C2: variants seen among roughly 807,000 people sequenced by gnomAD.
The protein encoded by C2 is complement C2, also known as C3/C5 convertase.
C2 carries 64 observed loss-of-function variants against 85.2 expected under a neutral mutation model. That is an observed-to-expected ratio of 0.75 (90% CI 0.61 to 0.92). The LOEUF (loss-of-function observed/expected upper bound fraction) is 0.92, where lower values mean the gene tolerates loss of function less well. Ranked by LOEUF, C2 falls within the 40% of genes least tolerant of loss-of-function variation. The pLI is 0.00. For synonymous variants in C2, 311 were observed against 370.8 expected, an observed-to-expected ratio of 0.84 and a Z score of 1.85; for missense variants, 820 against 971.6, an observed-to-expected ratio of 0.84 and a Z score of 2.07.
Position 31,943,464 on chromosome 6 carries a change from G to A in C2, c.1504G>A (p.Val502Ile), listed in dbSNP as rs1161111637. The change falls in exon 12 of 18, where the codon GTC (valine) becomes ATC (isoleucine). Residue 502 changes from valine to isoleucine, a missense_variant. Coordinates refer to ENST00000299367, the MANE Select transcript of C2 (RefSeq NM_000063.6). The surrounding 1 kb of genome is among the most constrained non-coding windows in gnomAD (Gnocchi z 6.4). ...GGGGGCCCTCATCTCCGACCAATGGGTCCTGACAGCAGCTCATTGCTTCCG... is the reference window on the plus strand; with the variant it reads ...GGGGGCCCTCATCTCCGACCAATGGATCCTGACAGCAGCTCATTGCTTCCG... ...CRGALISDQW[V>I]LTAAHCFRDG... 1 of 1,613,068 alleles carries A rather than the reference G, an allele frequency of 6.2e-7. No individual in the cohort carries two copies. Among genetic ancestry groups the A allele is most frequent in the Non-Finnish European group, 8.5e-7 (1 of 1,180,032 alleles).
intron 1 of C2, among the ~76,000 whole-genome samples, chr6:31,901,482 C>T (rs1185745318): frequency 4.6e-5 from 7 of 152,026 alleles, no homozygotes; most frequent in African/African-American, 1.4e-4. Context: ...GAGGTGCTGT[C>T]CCTCTGAGAG....
Position 31,943,518 on chromosome 6 carries a change from G to A in C2, c.1558G>A (p.Val520Ile). The A allele has an allele frequency of 6.2e-7, 1 of 1,612,788 alleles. No homozygotes were observed. Among genetic ancestry groups the A allele is most frequent in the Non-Finnish European group, 8.5e-7 (1 of 1,179,794 alleles). The change falls in exon 12 of 18, where the codon GTC (valine) becomes ATC (isoleucine). Residue 520 changes from valine (V) to isoleucine (I), a missense_variant. By Grantham distance (29) the Val-to-Ile change is conservative. Transcript: ENST00000299367. This position sits in a 1 kb window ranked among gnomAD's most constrained non-coding sequence, Gnocchi z 6.4. Reference protein sequence around the residue: ...RDGNDHSLWRVNVGDPKSQWG... With the variant: ...RDGNDHSLWRINVGDPKSQWG... Reference sequence around the variant, plus strand: ...TGGCAACGACCACTCCCTGTGGAGGGTCAATGTGGGTAAGGCAGGGGATGC... The same window carrying A: ...TGGCAACGACCACTCCCTGTGGAGGATCAATGTGGGTAAGGCAGGGGATGC...
chr6:31,912,676 C>A (rs1768195288), intron 1 of C2, among the ~76,000 whole-genome samples: 2 of 151,894 alleles, frequency 1.3e-5, no homozygotes, highest in Non-Finnish European at 2.9e-5. Flanking sequence ...CCTGTCTCTA[C>A]TGAAAATACA....
At chr6:31,942,931 G>A (rs374798709) in intron 9 of C2, 28 bp from the exon 10 acceptor site, 5 of 1,612,746 alleles carry the variant, frequency 3.1e-6, no homozygotes, top group African/African-American at 1.3e-5. Flanking sequence ...AGCCACAGGA[G>A]TCTGGTGATT....
In C2 at chr6:31,943,339, G is replaced by C. The variant is rs1427106809; in HGVS notation, c.1455+20G>C. ...ATTAAGGTACCAGGAAGGAGGGGCA[G>C]GGCTTGGATTCCAGAGGTAAAAGCG... On this transcript the variant is annotated intron_variant, in intron 11 of 17. Transcript: ENST00000299367. The surrounding 1 kb of genome is among the most constrained non-coding windows in gnomAD (Gnocchi z 6.4). 4.3e-6 allele frequency: 7 copies of C among 1,609,948 alleles called. No individual in the cohort carries two copies. The highest frequency in any genetic ancestry group is 4.2e-6 in the Non-Finnish European group (5 of 1,177,142).
upstream of C2, among the ~76,000 whole-genome samples, chr6:31,923,006 G>C (rs979304369): frequency 6.6e-6 from 1 of 152,200 alleles, no homozygotes; most frequent in Non-Finnish European, 1.5e-5. Context: ...GGAAGAAGCT[G>C]GCAGGAGAGG....
Position 31,945,367 on chromosome 6 carries a change from C to A in C2, c.*10C>A, listed in dbSNP as rs374559513. ...TTTTTTACCCCTCTAGCCATGGCCA[C>A]TGAGCCCTCTGCTGCCCTGCCAGAA... On this transcript the variant is annotated 3_prime_UTR_variant, in exon 18 of 18. Transcript: ENST00000299367. This position sits in a 1 kb window ranked among gnomAD's most constrained non-coding sequence, Gnocchi z 5.3. 1 of 1,612,268 alleles carries A rather than the reference C, an allele frequency of 6.2e-7. No individual in the cohort carries two copies. The highest frequency in any genetic ancestry group is 1.1e-5 in the South Asian group (1 of 91,058).
At chr6:31,928,235 G>T in intron 2 of C2, 71 bp downstream of exon 2, 1 of 1,428,618 alleles carries the variant, frequency 7.0e-7, no homozygotes. Flanking sequence ...TTTAGGAGTT[G>T]CTCAGGGTGG....
chr6:31,901,266 C>A (rs761508949), intron 1 of C2: 3 of 1,612,472 alleles, frequency 1.9e-6, no homozygotes, highest in Non-Finnish European at 2.5e-6. Flanking sequence ...GCCTCGTGGC[C>A]GGGCAGCTGG....
upstream of C2, chr6:31,900,935 C>T (rs1301039087): frequency 1.2e-6 from 2 of 1,614,194 alleles, no homozygotes; most frequent in Admixed American, 1.7e-5. This position sits in a 1 kb window ranked among gnomAD's most constrained non-coding sequence, Gnocchi z 9.7. Flanking sequence ...AATGAACTGG[C>T]TGAGGGCATT....
chr6:31,913,532 T>C (rs532086), intron 1 of C2, among the ~76,000 whole-genome samples: 17,813 of 152,208 alleles, frequency 0.12, 1,189 homozygotes, highest in East Asian at 0.19. Flanking sequence ...GCTGAGACCG[T>C]GCCATTGCAC....
intron 1 of C2, among the ~76,000 whole-genome samples, chr6:31,913,772 G>A (rs1007430979): frequency 3.3e-5 from 5 of 151,524 alleles, no homozygotes; most frequent in East Asian, 1.9e-4. Flanking sequence ...TCAGGCTCCC[G>A]TGTAGCTGGG....
exon 1 of C2, chr6:31,901,030 G>C: frequency 6.2e-7 from 1 of 1,614,232 alleles, no homozygotes; most frequent in African/African-American, 1.3e-5. Flanking sequence ...CGAATTCCAA[G>C]GCGCCCGTGT....
Position 31,944,764 on chromosome 6 carries a change from C to A in C2, c.1940C>A (p.Thr647Asn). 4 of 1,613,116 alleles carry A rather than the reference C, an allele frequency of 2.5e-6. No homozygotes were observed. The highest frequency in any genetic ancestry group is 1.1e-5 in the South Asian group (1 of 91,088). The stretch of plus-strand genomic sequence containing the variant: ...GCCGAGGTTGTCTCCCAAGAAAAAA[C>A]CATGTTCCCCAACTTGACAGATGTC... ...SCAEVVSQEK[T>N]MFPNLTDVRE... The change falls in exon 16 of 18, where the codon ACC (threonine) becomes AAC (asparagine). Residue 647 changes from threonine (T) to asparagine (N), a missense_variant. Physicochemically the swap from Thr to Asn is moderately conservative, Grantham distance 65. Transcript: ENST00000299367. This position sits in a 1 kb window ranked among gnomAD's most constrained non-coding sequence, Gnocchi z 5.1.
chr6:31,924,276 T>C (rs1321725344), upstream of C2, among the ~76,000 whole-genome samples: 1 of 152,228 alleles, frequency 6.6e-6, no homozygotes, highest in African/African-American at 2.4e-5. Context: ...TGGTTTGGCT[T>C]TGTTATAACC....
upstream of C2, among the ~76,000 whole-genome samples, chr6:31,915,464 C>T (rs1426477939): frequency 6.6e-6 from 1 of 152,206 alleles, no homozygotes; most frequent in Non-Finnish European, 1.5e-5. Context: ...TAATATTCCC[C>T]TGTTTGTGTC....
chr6:31,911,191 C>T (rs1488402215), intron 1 of C2, among the ~76,000 whole-genome samples: 5 of 151,242 alleles, frequency 3.3e-5, no homozygotes, highest in African/African-American at 4.9e-5. Flanking sequence ...CCCAGCTACT[C>T]GAGAGGTGGA....
rs1239021560 is a variant in C2 at position 31,935,560 on chromosome 6, C to G, written c.850-363C>G. On this transcript the variant is annotated intron_variant, in intron 6 of 17. Transcript: ENST00000299367. This position sits in a 1 kb window ranked among gnomAD's most constrained non-coding sequence, Gnocchi z 4.3. ...TCTCAGCTCACTGCAAACTTTGCCTCCTGGGTTCAAGTGATTCTTCTGCCT... is the reference window on the plus strand; with the variant it reads ...TCTCAGCTCACTGCAAACTTTGCCTGCTGGGTTCAAGTGATTCTTCTGCCT... 1.3e-5 allele frequency among the ~76,000 whole-genome samples: 2 copies of G among 152,010 alleles called. No individual in the cohort carries two copies. Among genetic ancestry groups the G allele is most frequent in the Non-Finnish European group, 1.5e-5 (1 of 67,992 alleles).
rs542714390 is a variant in C2 at position 31,937,482 on chromosome 6, G to A, written c.1129+23G>A. On this transcript the variant is annotated intron_variant, in intron 8 of 17. Coordinates refer to ENST00000299367, the MANE Select transcript of C2 (RefSeq NM_000063.6). ...ATGGTGGGTATCATGGTCTCTGAGT[G>A]TGTCTGGAATAGTGGAAGGGGCACC... 14 of 1,612,616 alleles carry A rather than the reference G, an allele frequency of 8.7e-6. No homozygotes were observed. In the South Asian group the frequency reaches 1.4e-4, roughly 16 times the overall value.
Sources: allele counts gnomAD v4.1 joint callset (sites outside exome capture counted in the v4.1 genomes callset), GRCh38; gene constraint gnomAD v4.1.1; non-coding constraint Gnocchi (gnomAD v3.1); transcripts MANE v1.5; gene names NCBI Gene and HGNC (gene_info 2026-07-23, HGNC 2026-07-21).